The following ZNF273 variants were observed in gnomAD, a reference collection of about 807,000 sequenced individuals.
ZNF273 encodes zinc finger protein 9.
In ZNF273, 11 loss-of-function variants were observed where a neutral mutation model predicts 14.9. That is an observed-to-expected ratio of 0.74 (90% confidence interval 0.46 to 1.22). The LOEUF (loss-of-function observed/expected upper bound fraction) is 1.22, where lower values mean the gene tolerates loss of function less well. Among genes scored for constraint, ZNF273 ranks in the 50% most tolerant of loss-of-function variants. ZNF273 has a pLI of 0.00. For missense variants in ZNF273, 577 were observed against 660.6 expected, an observed-to-expected ratio of 0.87 and a Z score of 1.39; for synonymous variants, 199 against 223.9, an observed-to-expected ratio of 0.89 and a Z score of 0.99.
chr7:64,883,115 G>T (rs1447069400), downstream of ZNF273, among the ~76,000 whole-genome samples: 3 of 151,880 alleles, frequency 2.0e-5, no homozygotes, highest in Non-Finnish European at 4.4e-5. Context: ...GTGCGGCTCT[G>T]CTTGGGCTGC....
intron 1 of ZNF273, among the ~76,000 whole-genome samples, chr7:64,906,250 A>G (rs566073236): frequency 2.0e-5 from 3 of 152,198 alleles, no homozygotes; most frequent in African/African-American, 4.8e-5. Flanking sequence ...TCTCTAGTCT[A>G]TGTCCTGTTA....
intron 1 of ZNF273, among the ~76,000 whole-genome samples, chr7:64,913,030 T>A (rs949019432): frequency 6.6e-6 from 1 of 151,740 alleles, no homozygotes; most frequent in Non-Finnish European, 1.5e-5. Context: ...GGTTTCGCCA[T>A]GTTGGCCAGG....
upstream of ZNF273, among the ~76,000 whole-genome samples, chr7:64,900,445 G>C (rs751920702): frequency 1.3e-5 from 2 of 152,196 alleles, no homozygotes; most frequent in African/African-American, 2.4e-5. Context: ...GAGGGTAAAA[G>C]AGTCCCTGGC....
intron 1 of ZNF273, among the ~76,000 whole-genome samples, chr7:64,917,314 C>T (rs966107534): frequency 1.3e-5 from 2 of 152,084 alleles, no homozygotes; most frequent in Admixed American, 6.6e-5. Flanking sequence ...CACAAATGTA[C>T]GTGTTTGTGT....
In ZNF273 at chr7:64,928,676, A is replaced by G. The variant is rs184310173; in HGVS notation, c.1348A>G (p.Ile450Val). The change falls in exon 4 of 4, where the codon ATA becomes GTA. Residue 450 changes from isoleucine to valine, a missense_variant. By Grantham distance (29) the Ile-to-Val change is conservative (BLOSUM62 3). Around this residue, in one of 3 missense-constraint regions of ZNF273, gnomAD observed 411 missense variants for 440.4 expected, o/e 0.93. Coordinates refer to ENST00000476120, the MANE Select transcript of ZNF273 (RefSeq NM_021148.3). ...SVFSTLTKHK[I>V]IHTGAKPYKC... ...ATTCTCAACCCTTACTAAACATAAG[A>G]TAATTCATACTGGAGCAAAACCTTA... is the stretch of plus-strand genomic sequence containing the variant. 7.5e-5 allele frequency: 120 copies of G among 1,606,224 alleles called. 1 individual carries two copies. The East Asian group carries it at 2.6e-3, about 35-fold the overall frequency.
intron 3 of ZNF273, among the ~76,000 whole-genome samples, chr7:64,921,229 A>C (rs565285374): frequency 6.6e-6 from 1 of 151,372 alleles, no homozygotes; most frequent in Non-Finnish European, 1.5e-5. Context: ...ATGCCCAGTT[A>C]ATTTTTGTAT....
upstream of ZNF273, among the ~76,000 whole-genome samples, chr7:64,900,463 C>T (rs1792630229): frequency 6.6e-6 from 1 of 152,174 alleles, no homozygotes; most frequent in Non-Finnish European, 1.5e-5. Flanking sequence ...GGCAAGGTTT[C>T]CCTTTTAACC....
downstream of ZNF273, chr7:64,880,377 A>G (rs921879532): frequency 2.6e-5 from 4 of 152,120 alleles, no homozygotes; most frequent in African/African-American, 9.7e-5. Context: ...GCACTCTTGT[A>G]TTCCCTGGGG....
intron 1 of ZNF273, 53 bp downstream of exon 1, chr7:64,903,472 T>C: frequency 1.3e-6 from 2 of 1,520,028 alleles, no homozygotes; most frequent in South Asian, 1.1e-5. Flanking sequence ...TGGTTGGAAC[T>C]GGTGGGAAGT....
chr7:64,909,841 T>G lies in ZNF273; in HGVS notation c.102+6422T>G, dbSNP rs571036327. On this transcript the variant is annotated intron_variant, in intron 1 of 3. Transcript: ENST00000476120. ...TTGCAGCCTTGCAAGCATCGTTTTT[T>G]TTTGTTTGTTTGTTTGTTTTTGTCT... is the stretch of plus-strand genomic sequence containing the variant. Among the ~76,000 whole-genome samples, 49 of 152,184 alleles carry G rather than the reference T, an allele frequency of 3.2e-4. 1 individual carries two copies. Among genetic ancestry groups the G allele is most frequent in the Non-Finnish European group, 4.1e-4 (28 of 68,014 alleles).
downstream of ZNF273, among the ~76,000 whole-genome samples, chr7:64,880,491 C>T (rs563012220): frequency 9.2e-5 from 14 of 151,974 alleles, no homozygotes; most frequent in African/African-American, 3.1e-4. Context: ...TGGCTGCCCG[C>T]GTGTGATGGC....
downstream of ZNF273, among the ~76,000 whole-genome samples, chr7:64,883,486 C>A (rs1017126336): frequency 6.6e-6 from 1 of 152,166 alleles, no homozygotes; most frequent in Non-Finnish European, 1.5e-5. Context: ...GGTAAGGATG[C>A]AATCTGGTGA....
At chr7:64,884,097 C>T (rs1791438238), downstream of ZNF273, among the ~76,000 whole-genome samples, 2 of 152,180 alleles carry the variant, frequency 1.3e-5, no homozygotes, top group African/African-American at 4.8e-5. Flanking sequence ...ATCTGCACGT[C>T]TTTTCTCATT....
chr7:64,908,383 G>A (rs1793260847), intron 1 of ZNF273, among the ~76,000 whole-genome samples: 1 of 152,214 alleles, frequency 6.6e-6, no homozygotes, highest in South Asian at 2.1e-4. Context: ...TACTTTTTCT[G>A]ATCCTCTTTG....
At chr7:64,912,825 A>AGTTTTTTGTT (rs138740277) in intron 1 of ZNF273, among the ~76,000 whole-genome samples, 5,051 of 16,822 alleles carry the variant, frequency 0.3, 795 homozygotes, top group African/African-American at 0.39. Flanking sequence ...GATTCATTTT[A>AGTTTTTTGTT]GTTTTTTTTT....
intron 1 of ZNF273, among the ~76,000 whole-genome samples, chr7:64,909,782 C>G (rs1583987398): frequency 2.6e-5 from 4 of 152,054 alleles, no homozygotes; most frequent in Admixed American, 2.6e-4. Context: ...CTAATTTATA[C>G]TCCCACTAAC....
chr7:64,934,581 A>T (rs1424636044), downstream of ZNF273, among the ~76,000 whole-genome samples: 3 of 152,126 alleles, frequency 2.0e-5, no homozygotes, highest in Admixed American at 6.6e-5. Flanking sequence ...CCCTTTCCCT[A>T]AGAAAGTGTT....
chr7:64,901,314 T>G (rs1792700624), upstream of ZNF273, among the ~76,000 whole-genome samples: 1 of 152,196 alleles, frequency 6.6e-6, no homozygotes, highest in African/African-American at 2.4e-5. Flanking sequence ...TGGTATGCTT[T>G]TTCACAATAA....
intron 1 of ZNF273, among the ~76,000 whole-genome samples, chr7:64,906,972 A>G (rs1364817326): frequency 6.6e-6 from 1 of 152,194 alleles, no homozygotes; most frequent in East Asian, 1.9e-4. Flanking sequence ...AGGTGGGAAA[A>G]TTAGATTTTA....
Sources: gnomAD v4.1 joint callset for allele counts (sites outside exome capture counted in the v4.1 genomes callset) on GRCh38, gnomAD v4.1.1 for gene constraint, gnomAD v4.1.1 regional missense constraint, MANE v1.5 for transcripts, NCBI Gene and HGNC (gene_info 2026-07-23, HGNC 2026-07-21) for gene names.